Variants in KCNH3 observed in about 807,000 individuals in gnomAD.
The protein encoded by KCNH3 is voltage-gated inwardly rectifying potassium channel KCNH3.
A neutral mutation model predicts 95.6 loss-of-function variants in KCNH3; 36 were observed. The ratio of observed to expected loss-of-function variants is 0.38; its 90% CI spans 0.29 to 0.50. The LOEUF is 0.50. KCNH3 is among the 20% of genes least tolerant of loss of function. The probability of loss-of-function intolerance (pLI) is 0.95; values close to 1 mark genes in which losing one functional copy is unlikely to be tolerated. For missense variants in KCNH3, 1,030 were observed against 1,484.1 expected, an observed-to-expected ratio of 0.69 and a Z score of 5.03; for synonymous variants, 620 against 646.3, an observed-to-expected ratio of 0.96 and a Z score of 0.62.
intron 8 of KCNH3, 133 bp downstream of exon 8, chr12:49,549,306 G>C: frequency 6.9e-7 from 1 of 1,457,044 alleles, no homozygotes; most frequent in South Asian, 1.3e-5. Context: ...CGAGGCCGGG[G>C]GTGGGGGAGA....
In KCNH3 at chr12:49,556,046, T is replaced by A. The variant is rs1938430755; in HGVS notation, c.2468+95T>A. The A allele has an allele frequency of 4.5e-6, 3 of 660,528 alleles. No individual in the cohort carries two copies. The African/African-American group carries it at 5.4e-5, about 12-fold the overall frequency. The allele number at this position is 660,528 out of a possible 1,614,324, so 40.9% of individuals were successfully genotyped here. ...TGCCCTAGGTGCCCATCTAACCATC[T>A]TAACTCCCGCTAGTCTATGTGGGCC... is the stretch of plus-strand genomic sequence containing the variant. On this transcript the variant is annotated intron_variant, in intron 12 of 14. Transcript: ENST00000257981.
Position 49,539,429 on chromosome 12 carries a change from CG to C in KCNH3, c.17del (p.Gly6AlafsTer92). MPAM[R>X]GLLAPQNTFL... ...GCGGGCGCCTAAGATGCCGGCCATG[CG>C]GGGCCTCCTGGCGCCGCAGAACACC... On this transcript the variant is annotated frameshift_variant, in exon 1 of 15. Transcript: ENST00000257981. LOFTEE classifies it high-confidence loss of function. This position sits in a 1 kb window ranked among gnomAD's most constrained non-coding sequence, Gnocchi z 6.7. 6.4e-7 allele frequency: 1 copy of C among 1,563,072 alleles called. No individual in the cohort carries two copies. Among genetic ancestry groups the C allele is most frequent in the Non-Finnish European group, 8.6e-7 (1 of 1,158,682 alleles).
chr12:49,541,026 C>T lies in KCNH3; in HGVS notation c.204C>T (p.Ser68=), dbSNP rs1193436707. 1 of 1,613,992 alleles carries T rather than the reference C, an allele frequency of 6.2e-7. No homozygotes were observed. The highest frequency in any genetic ancestry group is 8.5e-7 in the Non-Finnish European group (1 of 1,180,034). The stretch of plus-strand genomic sequence containing the variant: ...TCATGCAGCGGGGCTGTGCCTGCTC[C>T]TTCCTTTATGGGCCAGACACCAGTG... ...AEVMQRGCAC[S]FLYGPDTSEL... Residue 68 remains serine (S), a synonymous_variant, in exon 2 of 15, where the codon TCC becomes TCT. Transcript: ENST00000257981.
chr12:49,552,588 T>A (rs924794107), intron 10 of KCNH3, among the ~76,000 whole-genome samples: 2 of 152,220 alleles, frequency 1.3e-5, no homozygotes, highest in African/African-American at 4.8e-5. Context: ...CCTGTCTGCT[T>A]CAGGCAGCTC....
In KCNH3 at chr12:49,539,970, G is replaced by C. The variant is rs1196266454; in HGVS notation, c.76+478G>C. Among the ~76,000 whole-genome samples the C allele has an allele frequency of 6.6e-6, 1 of 152,182 alleles. No homozygotes were observed. Among genetic ancestry groups the C allele is most frequent in the Non-Finnish European group, 1.5e-5 (1 of 68,020 alleles). On this transcript the variant is annotated intron_variant, in intron 1 of 14. Coordinates refer to ENST00000257981, the MANE Select transcript of KCNH3 (RefSeq NM_012284.3). This position sits in a 1 kb window ranked among gnomAD's most constrained non-coding sequence, Gnocchi z 6.7. ...GGAGAGCACCGTGTGTCCAAGCCCC[G>C]TGTCTCATAGCCTGAACCCCCTAGA...
intron 9 of KCNH3, 43 bp downstream of exon 9, chr12:49,549,683 G>A: frequency 6.4e-7 from 1 of 1,560,980 alleles, no homozygotes; most frequent in Non-Finnish European, 8.7e-7. Context: ...TGCTCCCTCA[G>A]GGGGTTTGCA....
Position 49,557,596 on chromosome 12 carries a change from T to G in KCNH3, c.2895T>G (p.Arg965=). 6.2e-7 allele frequency: 1 copy of G among 1,613,192 alleles called. No individual in the cohort carries two copies. The highest frequency in any genetic ancestry group is 8.5e-7 in the Non-Finnish European group (1 of 1,179,902). Residue 965 remains arginine, a synonymous_variant, in exon 15 of 15, where the codon CGT becomes CGG. Transcript: ENST00000257981. ...TGAGTGGGACTTGGCCCCACCCTCGTCCGGGGCCTCCTCCCCTCATGGCAC... is the reference window on the plus strand; with the variant it reads ...TGAGTGGGACTTGGCCCCACCCTCGGCCGGGGCCTCCTCCCCTCATGGCAC... The part of the protein sequence containing the change: ...SVLSGTWPHP[R]PGPPPLMAPW...
chr12:49,541,167 G>A (rs996070317), intron 2 of KCNH3, 35 bp downstream of exon 2: 14 of 1,526,980 alleles, frequency 9.2e-6, no homozygotes, highest in African/African-American at 1.4e-5. Context: ...CCTCACCTTT[G>A]CAGTCTCACC....
intron 3 of KCNH3, among the ~76,000 whole-genome samples, chr12:49,542,448 G>A (rs985169595): frequency 6.6e-6 from 1 of 152,216 alleles, no homozygotes; most frequent in African/African-American, 2.4e-5. Flanking sequence ...TCCCCGTAGA[G>A]ATCCTCTGGT....
chr12:49,555,505 C>A, intron 11 of KCNH3, 115 bp from the exon 12 acceptor site: 1 of 556,602 alleles, frequency 1.8e-6, no homozygotes, highest in Non-Finnish European at 3.1e-6. Flanking sequence ...TAGATGTTGG[C>A]TATTCTAACA....
At chr12:49,550,740 T>C (rs1338095447) in intron 10 of KCNH3, among the ~76,000 whole-genome samples, 1 of 152,174 alleles carries the variant, frequency 6.6e-6, no homozygotes, top group Admixed American at 6.5e-5. Context: ...GATGTGACTT[T>C]CCTGAGGCAG....
Position 49,550,223 on chromosome 12 carries a change from G to T in KCNH3, c.1812G>T (p.Thr604=). The T allele has an allele frequency of 4.3e-6, 7 of 1,609,418 alleles. No homozygotes were observed. The South Asian group carries it at 6.6e-5, about 15-fold the overall frequency. ...TGGCCCTGCGGCCCGCCTTCTGCAC[G>T]CCGGGCGAGTACCTCATCCACCAAG... ...LSLALRPAFC[T]PGEYLIHQGD... Residue 604 remains threonine (T), a synonymous_variant, in exon 10 of 15, where the codon ACG becomes ACT. Coordinates refer to ENST00000257981, the MANE Select transcript of KCNH3 (RefSeq NM_012284.3).
intron 13 of KCNH3, 33 bp downstream of exon 13, chr12:49,556,509 G>T (rs752423614): frequency 2.0e-6 from 3 of 1,488,312 alleles, no homozygotes; most frequent in Admixed American, 3.4e-5. Flanking sequence ...TAGGTTGGTG[G>T]GGCAGCCCCT....
chr12:49,550,412 C>T (rs1409730826), intron 10 of KCNH3, 83 bp downstream of exon 10: 1 of 1,484,228 alleles, frequency 6.7e-7, no homozygotes, highest in Non-Finnish European at 9.0e-7. Flanking sequence ...GGAGAGGGGA[C>T]CTCCACAAGG....
intron 9 of KCNH3, 37 bp from the exon 10 acceptor site, chr12:49,550,043 T>TACCCCCC: frequency 1.5e-6 from 2 of 1,299,542 alleles, no homozygotes; most frequent in East Asian, 2.5e-5. Context: ...CTTCTGCCAC[T>TACCCCCC]CCCAACCCCC....
Position 49,543,293 on chromosome 12 carries a change from C to A in KCNH3, c.598C>A (p.Pro200Thr). The change falls in exon 5 of 15, where the codon CCA (proline) becomes ACA (threonine). Residue 200 changes from proline to threonine, a missense_variant. Physicochemically the swap from Pro to Thr is conservative, Grantham distance 38 (BLOSUM62 -1). Transcript: ENST00000257981. ...KLNKGVFGEK[P>T]NLPEYKVAAI... is the part of the protein sequence containing the mutation. Reference sequence around the variant, plus strand: ...CACTCAGGGGGTGTTTGGGGAGAAACCAAACTTGCCTGAGTACAAAGTAGC... The same window carrying A: ...CACTCAGGGGGTGTTTGGGGAGAAAACAAACTTGCCTGAGTACAAAGTAGC... 6.2e-7 allele frequency: 1 copy of A among 1,613,644 alleles called. No homozygotes were observed. The highest frequency in any genetic ancestry group is 8.5e-7 in the Non-Finnish European group (1 of 1,180,024).
rs144443412 is a variant in KCNH3 at position 49,541,124 on chromosome 12, G to A, written c.302G>A (p.Arg101Gln). 3.1e-6 allele frequency: 5 copies of A among 1,602,424 alleles called. No individual in the cohort carries two copies. The highest frequency in any genetic ancestry group is 2.2e-5 in the South Asian group (2 of 90,808). Residue 101 changes from arginine to glutamine, a missense_variant, in exon 2 of 15, where the codon CGG (arginine) becomes CAG (glutamine). Physicochemically the swap from Arg to Gln is conservative, Grantham distance 43. Coordinates refer to ENST00000257981, the MANE Select transcript of KCNH3 (RefSeq NM_012284.3). ...TTCAAGGCTGAGCTGATCCTGTACC[G>A]GAAGAGCGGTGAGGGGCCACCTGGC... ...KEFKAELILYRKSGLPFWCLL... is the reference protein window; with the variant it reads ...KEFKAELILYQKSGLPFWCLL...
chr12:49,557,331 C>T (rs752628552), intron 14 of KCNH3, 23 bp from the exon 15 acceptor site: 34 of 1,611,180 alleles, frequency 2.1e-5, no homozygotes, highest in Non-Finnish European at 2.9e-5. Context: ...CCATTCTGAC[C>T]TCGCCTCCTC....
chr12:49,554,311 T>G (rs1161882872), intron 10 of KCNH3, 26 bp from the exon 11 acceptor site: 3 of 1,593,380 alleles, frequency 1.9e-6, no homozygotes, highest in Non-Finnish European at 2.6e-6. Flanking sequence ...TCTCAGGGCT[T>G]GCTGACCTCT....
Sources: allele counts gnomAD v4.1 joint callset (sites outside exome capture counted in the v4.1 genomes callset), GRCh38; gene constraint gnomAD v4.1.1; non-coding constraint Gnocchi (gnomAD v3.1); transcripts MANE v1.5; gene names NCBI Gene and HGNC (gene_info 2026-07-23, HGNC 2026-07-21).